Variants in MYH6 observed in about 807,000 individuals in gnomAD.
MYH6 encodes myosin heavy chain 6.
A neutral mutation model predicts 223.2 loss-of-function variants in MYH6; 126 were observed. That is an observed-to-expected ratio of 0.56 (90% CI 0.49 to 0.65). The LOEUF (loss-of-function observed/expected upper bound fraction) is 0.65. Ranked by LOEUF, MYH6 falls within the 30% of genes least tolerant of loss-of-function variation. The pLI is 0.00. For missense variants in MYH6, 2,040 were observed against 2,536.4 expected (o/e 0.80, Z 4.20); for synonymous variants, 978 against 1,010.2 (o/e 0.97, Z 0.61).
chr14:23,384,770 T>A (rs1253566232), intron 35 of MYH6, 53 bp from the exon 36 acceptor site: 16 of 1,613,886 alleles, frequency 9.9e-6, no homozygotes, highest in Non-Finnish European at 1.4e-5. Flanking sequence ...CGGGGCCTTT[T>A]GCCCCCCAAG....
intron 10 of MYH6, 130 bp downstream of exon 10, chr14:23,403,218 G>A (rs562513968): frequency 1.2e-5 from 10 of 823,034 alleles, no homozygotes; most frequent in African/African-American, 1.2e-4. Flanking sequence ...GGCGGAGTGA[G>A]TGGAGGGAGA....
chr14:23,383,382 T>C (rs1235418729), intron 36 of MYH6, 62 bp from the exon 37 acceptor site: 2 of 1,291,316 alleles, frequency 1.5e-6, no homozygotes, highest in East Asian at 4.8e-5. Context: ...CACCTTTCCC[T>C]CCTCCATCAT....
chr14:23,393,300 A>G, intron 23 of MYH6, 42 bp downstream of exon 23: 1 of 1,613,608 alleles, frequency 6.2e-7, no homozygotes, highest in African/African-American at 1.3e-5. Context: ...GTTGCCTGCA[A>G]AATCTTGCTC....
chr14:23,383,339 G>GGGGGGGGGGGCCCCCCCCCCC lies in MYH6; in HGVS notation c.5566-20_5566-19insGGGGGGGGGGGCCCCCCCCCC. 4 of 108,168 alleles carry GGGGGGGGGGGCCCCCCCCCCC rather than the reference G, an allele frequency of 3.7e-5. No homozygotes were observed. Among genetic ancestry groups the GGGGGGGGGGGCCCCCCCCCCC allele is most frequent in the African/African-American group, 9.5e-5 (1 of 10,530 alleles). The allele number at this position is 108,168 out of a possible 1,614,324, so 6.7% of individuals were successfully genotyped here. On this transcript the variant is annotated intron_variant, in intron 36 of 38. Coordinates refer to ENST00000405093, the MANE Select transcript of MYH6 (RefSeq NM_002471.4). ...CCTCTGTCTGGGGGTGGGAGGGTGG[G>GGGGGGGGGGGCCCCCCCCCCC]AGAAGCTGGTTTGGAGGGGGAGCAA...
intron 15 of MYH6, 61 bp downstream of exon 15, chr14:23,398,667 G>A (rs1192757223): frequency 5.1e-6 from 8 of 1,578,604 alleles, no homozygotes; most frequent in Non-Finnish European, 6.1e-6. Context: ...TGAAGCAGCA[G>A]GACCCTGGCC....
chr14:23,403,177 G>C (rs189281304), intron 10 of MYH6, among the ~76,000 whole-genome samples, 171 bp downstream of exon 10: 1 of 152,196 alleles, frequency 6.6e-6, no homozygotes, highest in Admixed American at 6.5e-5. Flanking sequence ...AGGAGACGCA[G>C]GTGGTCTTGG....
chr14:23,387,952 C>G, intron 30 of MYH6, 29 bp from the exon 31 acceptor site: 1 of 1,611,782 alleles, frequency 6.2e-7, no homozygotes, highest in Non-Finnish European at 8.5e-7. Flanking sequence ...CACTCTTCAG[C>G]CCCCCAGCCT....
Position 23,383,339 on chromosome 14 carries a change from G to GGGGGCCCCCCCCCCCCC in MYH6, c.5566-20_5566-19insGGGGGGGGGGGGGCCCC. The GGGGGCCCCCCCCCCCCC allele has an allele frequency of 9.2e-6, 1 of 108,180 alleles. No homozygotes were observed. Among genetic ancestry groups the GGGGGCCCCCCCCCCCCC allele is most frequent in the Non-Finnish European group, 1.8e-5 (1 of 54,372 alleles). The allele number at this position is 108,180 out of a possible 1,614,324, so 6.7% of individuals were successfully genotyped here. On this transcript the variant is annotated intron_variant, in intron 36 of 38. Coordinates refer to ENST00000405093, the MANE Select transcript of MYH6 (RefSeq NM_002471.4). ...CCTCTGTCTGGGGGTGGGAGGGTGGGAGAAGCTGGTTTGGAGGGGGAGCAA... is the reference window on the plus strand; with the variant it reads ...CCTCTGTCTGGGGGTGGGAGGGTGGGGGGGCCCCCCCCCCCCCAGAAGCTGGTTTGGAGGGGGAGCAA...
At chr14:23,400,576 A>T in intron 13 of MYH6, 133 bp downstream of exon 13, 1 of 1,582,838 alleles carries the variant, frequency 6.3e-7, no homozygotes. Flanking sequence ...AGACAGGGAC[A>T]ATGACTGCCT....
Position 23,389,484 on chromosome 14 carries a change from T to C in MYH6, c.3887A>G (p.Lys1296Arg), listed in dbSNP as rs1320389332. 3.1e-6 allele frequency: 5 copies of C among 1,614,052 alleles called. No homozygotes were observed. The Admixed American group carries it at 8.3e-5, about 27-fold the overall frequency. Residue 1296 changes from lysine to arginine, a missense_variant, in exon 28 of 39, where the codon AAG becomes AGG. By Grantham distance (26) the Lys-to-Arg change is conservative. Coordinates refer to ENST00000405093, the MANE Select transcript of MYH6 (RefSeq NM_002471.4). ...GGTCAGCTGCGAGATTAGCGCCTCC[T>C]TTTCCTCTAGCTGCCGGGCCAACTC... ...NGELARQLEE[K>R]EALISQLTRG...
At chr14:23,394,510 T>C (rs1595057161) in intron 20 of MYH6, among the ~76,000 whole-genome samples, 187 bp from the exon 21 acceptor site, 1 of 152,352 alleles carries the variant, frequency 6.6e-6, no homozygotes. Flanking sequence ...GGGCAGTTTA[T>C]ATCCTCCCAG....
Position 23,383,339 on chromosome 14 carries a change from G to GGGGGGGGGGCCCCCCCCCC in MYH6, c.5566-20_5566-19insGGGGGGGGGGCCCCCCCCC. The GGGGGGGGGGCCCCCCCCCC allele has an allele frequency of 9.2e-6, 1 of 108,132 alleles. No homozygotes were observed. The highest frequency in any genetic ancestry group is 1.8e-5 in the Non-Finnish European group (1 of 54,348). The allele number at this position is 108,132 out of a possible 1,614,324, so 6.7% of individuals were successfully genotyped here. A position where few individuals can be genotyped will look rare whatever the true frequency, so the allele number is the denominator to read the frequency against. ...CCTCTGTCTGGGGGTGGGAGGGTGG[G>GGGGGGGGGGCCCCCCCCCC]AGAAGCTGGTTTGGAGGGGGAGCAA... On this transcript the variant is annotated intron_variant, in intron 36 of 38. Transcript: ENST00000405093.
intron 31 of MYH6, 28 bp downstream of exon 31, chr14:23,387,730 T>C (rs1362012224): frequency 6.2e-7 from 1 of 1,613,872 alleles, no homozygotes; most frequent in Non-Finnish European, 8.5e-7. Flanking sequence ...CACCAACTCA[T>C]CTCTGGCCTC....
At chr14:23,389,900 T>G in intron 26 of MYH6, among the ~76,000 whole-genome samples, 157 bp downstream of exon 26, 2 of 145,166 alleles carry the variant, frequency 1.4e-5, no homozygotes, top group East Asian at 2.0e-4. Context: ...ATAGAGAGGG[T>G]GAGGAGAGCC....
intron 25 of MYH6, among the ~76,000 whole-genome samples, chr14:23,390,809 C>T (rs1891217186): frequency 6.6e-6 from 1 of 152,152 alleles, no homozygotes; most frequent in Admixed American, 6.5e-5. Context: ...TCAAGAAGTT[C>T]AGAGTCCCCA....
At chr14:23,385,821 G>C in intron 34 of MYH6, 107 bp downstream of exon 34, 1 of 1,505,692 alleles carries the variant, frequency 6.6e-7, no homozygotes, top group Non-Finnish European at 9.2e-7. Flanking sequence ...GAGAGGAAAT[G>C]ATTTGTGACC....
intron 22 of MYH6, 70 bp from the exon 23 acceptor site, chr14:23,393,588 A>C: frequency 6.2e-7 from 1 of 1,614,074 alleles, no homozygotes; most frequent in Non-Finnish European, 8.5e-7. Context: ...GGGGACCTCC[A>C]TGCCAAGGAC....
rs773660161 is a variant in MYH6, at chr14:23,390,392, T to G, written c.3397A>C (p.Lys1133Gln). Residue 1133 changes from lysine (K) to glutamine (Q), a missense_variant, in exon 26 of 39, where the codon AAG (lysine) becomes CAG (glutamine). By Grantham distance (53) the Lys-to-Gln change is moderately conservative (BLOSUM62 1). Around this residue, in one of 4 missense-constraint regions of MYH6, gnomAD observed 1,203 missense variants for 1,400.2 expected, o/e 0.86. Coordinates refer to ENST00000405093, the MANE Select transcript of MYH6 (RefSeq NM_002471.4). ...AGGTCTGAGCGCAGCTTCTCCACCT[T>G]AGCCCTGGCGGTGCGCTCGGCCTCC... ...ELEAERTARA[K>Q]VEKLRSDLSR... 1 of 1,609,400 alleles carries G rather than the reference T, an allele frequency of 6.2e-7. No homozygotes were observed. The highest frequency in any genetic ancestry group is 1.1e-5 in the South Asian group (1 of 90,608).
Position 23,396,433 on chromosome 14 carries a change from G to A in MYH6, c.2293-13C>T. On this transcript the variant is annotated splice_polypyrimidine_tract_variant and intron_variant, in intron 19 of 38. Coordinates refer to ENST00000405093, the MANE Select transcript of MYH6 (RefSeq NM_002471.4). ...CCTTGAAGAACACCTGCAGGCAAGG[G>A]GTAGATGCAACAGGCCGCAGCCTCA... The A allele has an allele frequency of 6.2e-7, 1 of 1,613,284 alleles. No individual in the cohort carries two copies. The highest frequency in any genetic ancestry group is 8.5e-7 in the Non-Finnish European group (1 of 1,179,998).
Sources: allele counts gnomAD v4.1 joint callset (sites outside exome capture counted in the v4.1 genomes callset), GRCh38; gene constraint gnomAD v4.1.1; regional missense constraint gnomAD v4.1.1; transcripts MANE v1.5; gene names NCBI Gene and HGNC (gene_info 2026-07-23, HGNC 2026-07-21).